XYLT1: variants seen among roughly 807,000 people sequenced by gnomAD.
XYLT1 encodes xylosyltransferase 1.
Under a neutral mutation model 91.3 loss-of-function variants are expected in XYLT1, and 36 were observed. The ratio of observed to expected loss-of-function variants is 0.39; its 90% CI spans 0.30 to 0.52. XYLT1 has a LOEUF of 0.52. Among genes scored for constraint, XYLT1 ranks in the 20% least tolerant of loss-of-function variants. The pLI is 0.68. For missense variants in XYLT1, 1,242 were observed against 1,284.5 expected, an observed-to-expected ratio of 0.97 and a Z score of 0.51; for synonymous variants, 588 against 532.0, an observed-to-expected ratio of 1.11 and a Z score of -1.45.
chr16:17,459,274 A>C (rs1373100435), intron 1 of XYLT1, among the ~76,000 whole-genome samples: 1 of 152,162 alleles, frequency 6.6e-6, no homozygotes, highest in Non-Finnish European at 1.5e-5. Flanking sequence ...CAGGGGGCTG[A>C]GGTGGGAGGA....
intron 1 of XYLT1, among the ~76,000 whole-genome samples, chr16:17,453,094 C>G (rs566649074): frequency 6.6e-6 from 1 of 152,158 alleles, no homozygotes; most frequent in African/African-American, 2.4e-5. Flanking sequence ...ATTTTAAAGA[C>G]GAAAACTGAG....
At chr16:17,122,080 C>CT (rs1449155212) in intron 10 of XYLT1, among the ~76,000 whole-genome samples, 2 of 152,072 alleles carry the variant, frequency 1.3e-5, no homozygotes, top group South Asian at 2.1e-4. Context: ...GTGCAAGAAT[C>CT]TTTTTTGTAT....
chr16:17,312,616 C>A lies in XYLT1; in HGVS notation c.402+45396G>T, dbSNP rs1042013596. Among the ~76,000 whole-genome samples, 1 of 152,152 alleles carries A rather than the reference C, an allele frequency of 6.6e-6. No individual in the cohort carries two copies. The highest frequency in any genetic ancestry group is 1.5e-5 in the Non-Finnish European group (1 of 68,036). On this transcript the variant is annotated intron_variant, in intron 2 of 11. Coordinates refer to ENST00000261381, the MANE Select transcript of XYLT1 (RefSeq NM_022166.4). This position sits in a 1 kb window ranked among gnomAD's most constrained non-coding sequence, Gnocchi z 4.4. ...ATTCACATCAGTACAATACTGTTAA[C>A]GGGACTGCAGATTTTGTTTTTGTTT...
At position 17,430,550 on chromosome 16, in the gene XYLT1, C is replaced by T. The variant is rs565829562; in HGVS notation, c.363+39884G>A. 2.6e-5 allele frequency among the ~76,000 whole-genome samples: 4 copies of T among 152,296 alleles called. No individual in the cohort carries two copies. In the South Asian group the frequency reaches 8.3e-4, roughly 32 times the overall value. On this transcript the variant is annotated intron_variant, in intron 1 of 11. Transcript: ENST00000261381. ...AGCAGAACATTAAACCAAGTGCAGG[C>T]CCATTCCTGGAGGGGCCCCCAGTCT...
At chr16:17,255,880 C>T (rs2033622730) in intron 3 of XYLT1, among the ~76,000 whole-genome samples, 1 of 152,030 alleles carries the variant, frequency 6.6e-6, no homozygotes, top group Admixed American at 6.5e-5. Context: ...AGGTGGCAGG[C>T]ACCTGTAATC....
chr16:17,115,980 T>TAAAAAAAA (rs58219672), intron 11 of XYLT1, among the ~76,000 whole-genome samples: 1 of 69,136 alleles, frequency 1.4e-5, no homozygotes, highest in African/African-American at 3.9e-5. Flanking sequence ...ACTTAGAAAG[T>TAAAAAAAA]AAAAAAAAAA....
At chr16:17,116,019 G>C (rs1237830748) in intron 11 of XYLT1, among the ~76,000 whole-genome samples, 1 of 148,200 alleles carries the variant, frequency 6.7e-6, no homozygotes, top group Non-Finnish European at 1.5e-5. Context: ...AGTACACAAT[G>C]TATTATTTCA....
At chr16:17,311,102 A>G (rs1256237257) in intron 2 of XYLT1, among the ~76,000 whole-genome samples, 2 of 152,048 alleles carry the variant, frequency 1.3e-5, no homozygotes, top group East Asian at 3.9e-4. Context: ...CAGGATAATC[A>G]CCTGCTGCAA....
chr16:17,154,636 A>G (rs1348795066), intron 6 of XYLT1, among the ~76,000 whole-genome samples: 1 of 152,166 alleles, frequency 6.6e-6, no homozygotes, highest in Non-Finnish European at 1.5e-5. Context: ...CTGTCTTGCA[A>G]TGTATCTAGT....
rs986843802 is a variant in XYLT1, at chr16:17,102,619, A to G, written c.*6076T>C. 6.6e-6 allele frequency: 1 copy of G among 152,532 alleles called. No homozygotes were observed. The highest frequency in any genetic ancestry group is 1.5e-5 in the Non-Finnish European group (1 of 68,038). The allele number at this position is 152,532 out of a possible 1,614,324, so 9.4% of individuals were successfully genotyped here. A position where few individuals can be genotyped will look rare whatever the true frequency, so the allele number is the denominator to read the frequency against. ...GAGACTCACATTCTACCTCAAGGAA[A>G]AGCATTCAGATGATTGGAACTTTGA... On this transcript the variant is annotated 3_prime_UTR_variant, in exon 12 of 12. Transcript: ENST00000261381.
chr16:17,224,311 C>T (rs1228389460), intron 3 of XYLT1, among the ~76,000 whole-genome samples: 1 of 152,202 alleles, frequency 6.6e-6, no homozygotes, highest in Non-Finnish European at 1.5e-5. Flanking sequence ...ACATTTCTTA[C>T]ATGAACAAAT....
chr16:17,259,040 G>A lies in XYLT1; in HGVS notation c.861C>T (p.His287=). The A allele has an allele frequency of 1.3e-6, 2 of 1,515,722 alleles. No individual in the cohort carries two copies. Among genetic ancestry groups the A allele is most frequent in the African/African-American group, 2.8e-5 (2 of 71,710 alleles). 93.9% of individuals were successfully genotyped at this position (1,515,722 alleles called of 1,614,324 possible). Residue 287 remains histidine (H), a synonymous_variant, in exon 3 of 12, where the codon CAC becomes CAT. Coordinates refer to ENST00000261381, the MANE Select transcript of XYLT1 (RefSeq NM_022166.4). ...RQEIGETYCR[H]KLGLLMPEKV... The stretch of plus-strand genomic sequence containing the variant: ...TCTCAGGCATCAGCAGCCCTAACTT[G>A]TGGCGGCAGTAAGTCTCCCCAATCT...
chr16:17,182,348 C>G (rs962608836), intron 5 of XYLT1, among the ~76,000 whole-genome samples: 1 of 152,170 alleles, frequency 6.6e-6, no homozygotes, highest in African/African-American at 2.4e-5. Flanking sequence ...AGAAGGCCAC[C>G]TTCTTGCTCT....
At chr16:17,429,930 TA>T (rs1310712355) in intron 1 of XYLT1, among the ~76,000 whole-genome samples, 2 of 135,312 alleles carry the variant, frequency 1.5e-5, no homozygotes, top group African/African-American at 3.0e-5. Flanking sequence ...ATTCCCATAA[TA>T]ATTTTTTTTT....
chr16:17,200,331 G>A (rs990500258), intron 4 of XYLT1, 151 bp downstream of exon 4: 15 of 910,358 alleles, frequency 1.6e-5, no homozygotes, highest in Non-Finnish European at 2.3e-5. Context: ...GCACTCTAGG[G>A]CCACACGCTC....
chr16:17,423,981 G>A (rs1040885880), intron 1 of XYLT1, among the ~76,000 whole-genome samples: 7 of 152,112 alleles, frequency 4.6e-5, no homozygotes, highest in African/African-American at 1.7e-4. Flanking sequence ...CAAAATCCAT[G>A]GGAACCTATA....
chr16:17,299,866 G>C (rs1041522376), intron 2 of XYLT1, among the ~76,000 whole-genome samples: 14 of 152,176 alleles, frequency 9.2e-5, no homozygotes, highest in Non-Finnish European at 2.1e-4. Flanking sequence ...GGACATGAAG[G>C]ACCCAGGATA....
rs531703003 is a variant in XYLT1, at chr16:17,406,490, C to G, written c.364-48440G>C. ...GCTCCCCCATGGGGCCTAAACTAGA[C>G]TAAGTTGGTTTCCGTCACTCACAGC... On this transcript the variant is annotated intron_variant, in intron 1 of 11. Coordinates refer to ENST00000261381, the MANE Select transcript of XYLT1 (RefSeq NM_022166.4). 3.9e-5 allele frequency among the ~76,000 whole-genome samples: 6 copies of G among 152,312 alleles called. No individual in the cohort carries two copies. In the South Asian group the frequency reaches 8.3e-4, roughly 21 times the overall value.
intron 5 of XYLT1, among the ~76,000 whole-genome samples, chr16:17,187,515 C>A (rs1425117660): frequency 8.0e-5 from 10 of 124,848 alleles, no homozygotes; most frequent in African/African-American, 3.2e-4. Context: ...TAGAGTGAGC[C>A]AAGATCGCAC....
Sources: gnomAD v4.1 joint callset for allele counts (sites outside exome capture counted in the v4.1 genomes callset) on GRCh38, gnomAD v4.1.1 for gene constraint, Gnocchi (gnomAD v3.1) non-coding constraint, MANE v1.5 for transcripts, NCBI Gene and HGNC (gene_info 2026-07-23, HGNC 2026-07-21) for gene names.